Variants in TBC1D22A observed in about 807,000 individuals in gnomAD.
TBC1D22A encodes putative GTPase activator.
A neutral mutation model predicts 60.2 loss-of-function variants in TBC1D22A; 38 were observed. That is an observed-to-expected ratio of 0.63 (90% confidence interval 0.49 to 0.83). The LOEUF is 0.83. Among genes scored for constraint, TBC1D22A ranks in the 40% least tolerant of loss-of-function variants. The probability of loss-of-function intolerance (pLI) is 0.00; values close to 1 mark genes in which losing one functional copy is unlikely to be tolerated. For synonymous variants in TBC1D22A, 302 were observed against 281.7 expected (o/e 1.07, Z -0.72); for missense variants, 628 against 701.0 (o/e 0.90, Z 1.18).
chr22:47,023,818 G>A (rs1008549645), intron 10 of TBC1D22A, among the ~76,000 whole-genome samples: 1 of 152,204 alleles, frequency 6.6e-6, no homozygotes, highest in Non-Finnish European at 1.5e-5. Context: ...CCAGGAGACC[G>A]GGATACCTGC....
At position 46,874,723 on chromosome 22, in the gene TBC1D22A, G is replaced by A. The variant is rs188789954; in HGVS notation, c.638-3930G>A. On this transcript the variant is annotated intron_variant, in intron 4 of 12. Coordinates refer to ENST00000337137, the MANE Select transcript of TBC1D22A (RefSeq NM_014346.5). ...CAAGTAGCTGGGATTACAGGTGCAT[G>A]CCACCACGCCTGGCTAATTTTTCTA... 6.5e-4 allele frequency among the ~76,000 whole-genome samples: 99 copies of A among 151,944 alleles called. No individual in the cohort carries two copies. The East Asian group carries it at 0.019, about 28-fold the overall frequency.
intron 9 of TBC1D22A, among the ~76,000 whole-genome samples, chr22:46,978,082 G>A (rs9616187): frequency 0.038 from 5,817 of 152,334 alleles, 221 homozygotes; most frequent in African/African-American, 0.099. Flanking sequence ...GAATTGTCAG[G>A]CCAGCTCATG....
intron 9 of TBC1D22A, among the ~76,000 whole-genome samples, chr22:46,983,012 A>T (rs1403578580): frequency 6.6e-6 from 1 of 152,218 alleles, no homozygotes; most frequent in Non-Finnish European, 1.5e-5. Flanking sequence ...AAGAAGCATT[A>T]TGTAGGAATG....
intron 11 of TBC1D22A, among the ~76,000 whole-genome samples, chr22:47,089,348 G>A (rs891997979): frequency 1.3e-5 from 2 of 152,254 alleles, no homozygotes; most frequent in Admixed American, 6.5e-5. Context: ...AGGCAGAGCG[G>A]GGGTCGGTAA....
chr22:47,065,902 G>A (rs955449425), intron 11 of TBC1D22A, among the ~76,000 whole-genome samples: 35 of 152,134 alleles, frequency 2.3e-4, no homozygotes, highest in Non-Finnish European at 4.1e-4. Flanking sequence ...TGTCCCCCTG[G>A]GAATACACTG....
intron 8 of TBC1D22A, among the ~76,000 whole-genome samples, chr22:46,918,632 T>A (rs989599500): frequency 6.6e-6 from 1 of 152,162 alleles, no homozygotes; most frequent in African/African-American, 2.4e-5. Context: ...CTCATAGGGA[T>A]GGAGACTGAA....
At chr22:46,881,978 C>T (rs2067874083) in intron 5 of TBC1D22A, among the ~76,000 whole-genome samples, 1 of 152,194 alleles carries the variant, frequency 6.6e-6, no homozygotes. Context: ...CATCTGCCCT[C>T]AGCCAGGCCC....
intron 11 of TBC1D22A, among the ~76,000 whole-genome samples, chr22:47,089,059 AG>A (rs2064813242): frequency 6.6e-6 from 1 of 152,224 alleles, no homozygotes; most frequent in Non-Finnish European, 1.5e-5. Flanking sequence ...CCACAAAAGC[AG>A]GACAGAGAAG....
intron 8 of TBC1D22A, among the ~76,000 whole-genome samples, chr22:46,930,078 T>A (rs5769265): frequency 6.6e-6 from 1 of 151,880 alleles, no homozygotes; most frequent in Non-Finnish European, 1.5e-5. Flanking sequence ...ACCTGTATAT[T>A]GTCATAAGCT....
Position 46,792,592 on chromosome 22 carries a change from A to G in TBC1D22A, c.119+16A>G, listed in dbSNP as rs755564574. The G allele has an allele frequency of 5.6e-5, 90 of 1,614,006 alleles. No homozygotes were observed. Among genetic ancestry groups the G allele is most frequent in the Non-Finnish European group, 7.6e-5 (90 of 1,179,980 alleles). ...TACATGGCACGTAAGTGACGTTCCAACCTCACTTGGCGTCTCGGCTCTGAT... is the reference window on the plus strand; with the variant it reads ...TACATGGCACGTAAGTGACGTTCCAGCCTCACTTGGCGTCTCGGCTCTGAT... On this transcript the variant is annotated intron_variant, in intron 2 of 12. Transcript: ENST00000337137.
chr22:46,888,364 C>A (rs2068225462), intron 5 of TBC1D22A, among the ~76,000 whole-genome samples: 1 of 152,232 alleles, frequency 6.6e-6, no homozygotes, highest in Non-Finnish European at 1.5e-5. Flanking sequence ...TGTTTGGTGG[C>A]TAACACAGTG....
intron 4 of TBC1D22A, among the ~76,000 whole-genome samples, chr22:46,862,555 C>T (rs982472732): frequency 3.3e-5 from 5 of 152,228 alleles, no homozygotes; most frequent in Admixed American, 1.3e-4. Flanking sequence ...GCACTTGCTT[C>T]CACTCACTGC....
In TBC1D22A at chr22:46,842,938, A is replaced by G. The variant is rs151204388; in HGVS notation, c.638-35715A>G. Among the ~76,000 whole-genome samples the G allele has an allele frequency of 3.4e-3, 520 of 152,300 alleles. 2 individuals carry two copies. The highest frequency in any genetic ancestry group is 6.0e-3 in the Non-Finnish European group (408 of 68,024). On this transcript the variant is annotated intron_variant, in intron 4 of 12. Transcript: ENST00000337137. ...GAAGGAGGTGCTGCGGCCCATGTTC[A>G]TGAGGAGATGGAAGGAGTGCAGAAT...
intron 4 of TBC1D22A, among the ~76,000 whole-genome samples, chr22:46,841,047 G>GGTGGGTGTGTGTGTGTGT (rs1555909299): frequency 5.4e-5 from 8 of 147,438 alleles, no homozygotes; most frequent in African/African-American, 2.0e-4. Context: ...AATGAAAATG[G>GGTGGGTGTGTGTGTGTGT]GTGTGTGTGT....
At chr22:46,805,146 C>T (rs1003453009) in intron 4 of TBC1D22A, among the ~76,000 whole-genome samples, 5 of 152,264 alleles carry the variant, frequency 3.3e-5, no homozygotes, top group South Asian at 2.1e-4. Flanking sequence ...TCTCTTGGGC[C>T]GTGGCTGGAG....
chr22:46,987,235 T>C (rs136125), intron 9 of TBC1D22A, among the ~76,000 whole-genome samples: 43,140 of 152,016 alleles, frequency 0.28, 6,216 homozygotes, highest in East Asian at 0.3. Flanking sequence ...GAGAAATTAG[T>C]CTCCATCTCT....
rs576788031 is a variant in TBC1D22A at position 46,912,011 on chromosome 22, T to C, written c.901-63T>C. 42 of 1,100,198 alleles carry C rather than the reference T, an allele frequency of 3.8e-5. 1 individual carries two copies. The highest frequency in any genetic ancestry group is 1.2e-4 in the South Asian group (9 of 76,614). The allele number at this position is 1,100,198 out of a possible 1,614,324, so 68.2% of individuals were successfully genotyped here. On this transcript the variant is annotated intron_variant, in intron 7 of 12. Coordinates refer to ENST00000337137, the MANE Select transcript of TBC1D22A (RefSeq NM_014346.5). ...GTGTACATTTTAAGTAATAGAATGCTTTCATTTTAAAGTTTCTGCCATGTT... is the reference window on the plus strand; with the variant it reads ...GTGTACATTTTAAGTAATAGAATGCCTTCATTTTAAAGTTTCTGCCATGTT...
chr22:47,129,994 G>C (rs1569463617), intron 12 of TBC1D22A, among the ~76,000 whole-genome samples: 1 of 152,214 alleles, frequency 6.6e-6, no homozygotes, highest in Non-Finnish European at 1.5e-5. Context: ...CCCAGCACAC[G>C]GCCATGCCCT....
chr22:46,830,866 G>A (rs1188211326), intron 4 of TBC1D22A, among the ~76,000 whole-genome samples: 1 of 152,234 alleles, frequency 6.6e-6, no homozygotes, highest in Admixed American at 6.5e-5. Context: ...TGCCGAGCGG[G>A]CTCTGGGCAG....
Sources: allele counts gnomAD v4.1 joint callset (sites outside exome capture counted in the v4.1 genomes callset), GRCh38; gene constraint gnomAD v4.1.1; transcripts MANE v1.5; gene names NCBI Gene and HGNC (gene_info 2026-07-23, HGNC 2026-07-21).